PLAUR: variants seen among roughly 807,000 people sequenced by gnomAD.
The protein encoded by PLAUR is plasminogen activator, urokinase receptor, also known as urokinase plasminogen activator surface receptor.
In PLAUR, 22 loss-of-function variants were observed where a neutral mutation model predicts 33.4. The ratio of observed to expected loss-of-function variants is 0.66; its 90% CI spans 0.47 to 0.94. The LOEUF (loss-of-function observed/expected upper bound fraction) is 0.94. Ranked by LOEUF, PLAUR falls within the 40% of genes least tolerant of loss-of-function variation. PLAUR has a pLI of 0.00. For synonymous variants in PLAUR, 148 were observed against 167.3 expected, an observed-to-expected ratio of 0.88 and a Z score of 0.89; for missense variants, 408 against 434.7, an observed-to-expected ratio of 0.94 and a Z score of 0.55.
chr19:43,648,600 T>C lies in PLAUR; in HGVS notation c.*290A>G. The stretch of plus-strand genomic sequence containing the variant: ...CTTGTCCACTGGTACAAAATCTTTA[T>C]GTAAGTATAAAATAAATAATATGAA... On this transcript the variant is annotated 3_prime_UTR_variant, in exon 7 of 7. Transcript: ENST00000340093. 2 of 970,300 alleles carry C rather than the reference T, an allele frequency of 2.1e-6. No individual in the cohort carries two copies. Among genetic ancestry groups the C allele is most frequent in the South Asian group, 8.8e-5 (2 of 22,730 alleles). The allele number at this position is 970,300 out of a possible 1,614,324, so 60.1% of individuals were successfully genotyped here.
intron 5 of PLAUR, among the ~76,000 whole-genome samples, chr19:43,653,414 C>G (rs1377130660): frequency 6.6e-6 from 1 of 152,180 alleles, no homozygotes; most frequent in East Asian, 1.9e-4. Context: ...AAGTTGCCAG[C>G]AGGGTGAACT....
intron 2 of PLAUR, among the ~76,000 whole-genome samples, chr19:43,666,751 T>A (rs2146285599): frequency 6.6e-6 from 1 of 152,094 alleles, no homozygotes; most frequent in Admixed American, 6.6e-5. Context: ...TATTTTTTAG[T>A]AGAGACAGGG....
intron 3 of PLAUR, chr19:43,660,507 A>G (rs1048698401): frequency 6.8e-6 from 1 of 147,980 alleles, no homozygotes; most frequent in African/African-American, 2.5e-5. Flanking sequence ...GGGTCTTGCT[A>G]TGTTGTCCAG....
chr19:43,649,293 G>A, intron 6 of PLAUR, 150 bp from the exon 7 acceptor site: 3 of 860,018 alleles, frequency 3.5e-6, no homozygotes, highest in Non-Finnish European at 5.3e-6. Flanking sequence ...GGTGGCTCAT[G>A]CCTGTAATCT....
intron 6 of PLAUR, among the ~76,000 whole-genome samples, chr19:43,651,524 T>C (rs1365861156): frequency 1.3e-5 from 2 of 151,472 alleles, no homozygotes; most frequent in Non-Finnish European, 2.9e-5. Flanking sequence ...AACCTCCTCC[T>C]CCTGGGTTCA....
At chr19:43,660,563 A>G (rs1966935142) in intron 3 of PLAUR, 1 of 150,926 alleles carries the variant, frequency 6.6e-6, no homozygotes, top group Non-Finnish European at 1.5e-5. Flanking sequence ...GCTACTGATC[A>G]TCACAGGAGT....
chr19:43,656,311 G>A (rs919445422), intron 4 of PLAUR, among the ~76,000 whole-genome samples, 168 bp downstream of exon 4: 1 of 150,818 alleles, frequency 6.6e-6, no homozygotes, highest in Non-Finnish European at 1.5e-5. Context: ...GGTTCCTGGT[G>A]ACTCTGGACC....
Position 43,667,684 on chromosome 19 carries a change from C to A in PLAUR, c.63G>T (p.Trp21Cys), listed in dbSNP as rs767042418. 10 of 1,613,646 alleles carry A rather than the reference C, an allele frequency of 6.2e-6. No individual in the cohort carries two copies. The highest frequency in any genetic ancestry group is 1.7e-5 in the Admixed American group (1 of 59,970). Residue 21 changes from tryptophan to cysteine, a missense_variant, in exon 2 of 7, where the codon TGG becomes TGT. Coordinates refer to ENST00000340093, the MANE Select transcript of PLAUR (RefSeq NM_002659.4). ...LLLHTCVPASWGLRCMQCKTN... is the reference protein window; with the variant it reads ...LLLHTCVPASCGLRCMQCKTN... ...TCTTACACTGCATGCACCGCAGGCC[C>A]CAAGAGGCTGGGGGAAGGAGGGAGA...
At chr19:43,659,986 A>G (rs1300294306) in intron 3 of PLAUR, among the ~76,000 whole-genome samples, 1 of 152,152 alleles carries the variant, frequency 6.6e-6, no homozygotes, top group East Asian at 1.9e-4. Flanking sequence ...TTCCTGTCCT[A>G]TAATCCAATA....
At chr19:43,659,167 CTT>C (rs3052823) in intron 3 of PLAUR, among the ~76,000 whole-genome samples, 3 of 97,138 alleles carry the variant, frequency 3.1e-5, no homozygotes, top group Admixed American at 1.4e-4. Flanking sequence ...CTTTTCTTTT[CTT>C]TTTTTTTTTT....
Position 43,655,584 on chromosome 19 carries a change from C to T in PLAUR, c.473-11G>A. ...CATCCTTTGGACGCCCTATGGGGGCCAGGGGACAGAGGTCAGATGTCAGAT... is the reference window on the plus strand; with the variant it reads ...CATCCTTTGGACGCCCTATGGGGGCTAGGGGACAGAGGTCAGATGTCAGAT... On this transcript the variant is annotated splice_polypyrimidine_tract_variant and intron_variant, in intron 4 of 6. Coordinates refer to ENST00000340093, the MANE Select transcript of PLAUR (RefSeq NM_002659.4). 2 of 1,612,510 alleles carry T rather than the reference C, an allele frequency of 1.2e-6. No individual in the cohort carries two copies. The highest frequency in any genetic ancestry group is 1.7e-6 in the Non-Finnish European group (2 of 1,179,306).
chr19:43,652,050 C>T, intron 6 of PLAUR, 175 bp downstream of exon 6: 1 of 1,395,736 alleles, frequency 7.2e-7, no homozygotes, highest in Non-Finnish European at 9.3e-7. Flanking sequence ...AAAATGTCCA[C>T]ATCCTGATGG....
intron 2 of PLAUR, 72 bp downstream of exon 2, chr19:43,667,509 G>T: frequency 9.8e-7 from 1 of 1,020,570 alleles, no homozygotes; most frequent in Non-Finnish European, 1.6e-6. Flanking sequence ...CCAGTTACTG[G>T]TGAGGAAGGT....
At chr19:43,668,131 C>T in intron 1 of PLAUR, 1 of 1,000,662 alleles carries the variant, frequency 1.0e-6, no homozygotes, top group Non-Finnish European at 1.2e-6. Flanking sequence ...TATGTTATAC[C>T]GTCACTCCCA....
downstream of PLAUR, chr19:43,646,124 A>G: frequency 5.6e-6 from 1 of 179,134 alleles, no homozygotes; most frequent in South Asian, 1.1e-4. Flanking sequence ...TTTTTAGTGG[A>G]GATGAGGTCT....
At chr19:43,663,154 C>T (rs1317199615) in intron 3 of PLAUR, among the ~76,000 whole-genome samples, 1 of 152,154 alleles carries the variant, frequency 6.6e-6, no homozygotes. Context: ...GCCTGTGTTT[C>T]CCCCTTCATA....
chr19:43,650,154 G>A (rs1443850484), intron 6 of PLAUR, among the ~76,000 whole-genome samples: 1 of 151,834 alleles, frequency 6.6e-6, no homozygotes, highest in African/African-American at 2.4e-5. Flanking sequence ...TGGGACTACA[G>A]GCGCGACCAC....
chr19:43,646,207 A>C (rs1319526114), downstream of PLAUR: 1 of 372,094 alleles, frequency 2.7e-6, no homozygotes, highest in Non-Finnish European at 5.0e-6. Flanking sequence ...CCAAAGTGCT[A>C]GGACTACAGG....
At chr19:43,648,184 A>AT (rs916523809), downstream of PLAUR, among the ~76,000 whole-genome samples, 7 of 150,846 alleles carry the variant, frequency 4.6e-5, no homozygotes, top group African/African-American at 9.7e-5. Flanking sequence ...GATTTAGCTG[A>AT]TTTTTTTTTG....
Sources: gnomAD v4.1 joint callset for allele counts (sites outside exome capture counted in the v4.1 genomes callset) on GRCh38, gnomAD v4.1.1 for gene constraint, MANE v1.5 for transcripts, NCBI Gene and HGNC (gene_info 2026-07-23, HGNC 2026-07-21) for gene names.